The following BLTP1 variants were observed in gnomAD, a reference collection of about 807,000 sequenced individuals.
The protein encoded by BLTP1 is fragile site-associated protein.
At chr4:122,350,105 CT>C in the BLTP1 span, 1 of 1,590,064 alleles carries the variant, frequency 6.3e-7, no homozygotes, top group African/African-American at 1.4e-5. Context: ...TTTATATATG[CT>C]TTATCTTTCA....
chr4:122,215,841 C>T, the BLTP1 span, among the ~76,000 whole-genome samples: 3 of 151,760 alleles, frequency 2.0e-5, no homozygotes, highest in South Asian at 2.1e-4. Context: ...CTCACCCCCC[C>T]CATCCTTCCT....
chr4:122,352,892 G>T, the BLTP1 span: 6 of 1,610,570 alleles, frequency 3.7e-6, no homozygotes, highest in African/African-American at 2.7e-5. Context: ...GTGTTTTTTG[G>T]TTTTCTTGCA....
the BLTP1 span, chr4:122,246,527 T>C: frequency 4.6e-6 from 3 of 650,696 alleles, no homozygotes; most frequent in East Asian, 2.8e-4. Flanking sequence ...AATTTAATTA[T>C]GATTATTTTA....
the BLTP1 span, among the ~76,000 whole-genome samples, chr4:122,164,956 T>C: frequency 2.0e-5 from 3 of 152,170 alleles, no homozygotes; most frequent in Non-Finnish European, 4.4e-5. Context: ...TAGAAGAAGG[T>C]ATTTATAGCA....
At chr4:122,325,538 C>T in the BLTP1 span, 124 of 1,225,754 alleles carry the variant, frequency 1.0e-4, no homozygotes, top group Admixed American at 3.0e-3. Flanking sequence ...ATTTTACATG[C>T]ACAATAAAGG....
the BLTP1 span, chr4:122,325,973 A>C: frequency 2.2e-6 from 1 of 461,394 alleles, no homozygotes; most frequent in African/African-American, 2.1e-5. Flanking sequence ...CACACTGAAA[A>C]TCTACTTTCA....
At chr4:122,307,792 A>T in the BLTP1 span, 1 of 985,078 alleles carries the variant, frequency 1.0e-6, no homozygotes, top group African/African-American at 1.7e-5. Context: ...AATGGTGACT[A>T]TATGTCCTCT....
chr4:122,221,054 CT>C, the BLTP1 span: 2 of 978,790 alleles, frequency 2.0e-6, no homozygotes, highest in Non-Finnish European at 2.4e-6. Context: ...ACTACCACCA[CT>C]TTATATGCCC....
At chr4:122,260,388 C>T in the BLTP1 span, among the ~76,000 whole-genome samples, 1 of 152,042 alleles carries the variant, frequency 6.6e-6, no homozygotes, top group African/African-American at 2.4e-5. Flanking sequence ...ATAAAGATCT[C>T]ATCCTTATCA....
chr4:122,347,678 T>C, the BLTP1 span: 1 of 1,613,870 alleles, frequency 6.2e-7, no homozygotes, highest in Non-Finnish European at 8.5e-7. Context: ...AATGAGCATA[T>C]GACAAACAGC....
the BLTP1 span, among the ~76,000 whole-genome samples, chr4:122,267,917 T>C: frequency 1.3e-5 from 2 of 152,156 alleles, no homozygotes; most frequent in Admixed American, 6.5e-5. Context: ...ATCCTTTTTG[T>C]GTTTTTGCAA....
At chr4:122,286,072 T>A in the BLTP1 span, among the ~76,000 whole-genome samples, 1 of 152,188 alleles carries the variant, frequency 6.6e-6, no homozygotes, top group East Asian at 1.9e-4. Flanking sequence ...AATGTTTCAG[T>A]GAGTACAATT....
the BLTP1 span, among the ~76,000 whole-genome samples, chr4:122,329,229 A>T: frequency 1.3e-5 from 2 of 151,526 alleles, no homozygotes; most frequent in African/African-American, 4.8e-5. Flanking sequence ...TTTATTATTG[A>T]GTTGGGAACA....
chr4:122,220,831 A>G, the BLTP1 span, among the ~76,000 whole-genome samples: 2 of 152,190 alleles, frequency 1.3e-5, no homozygotes, highest in Non-Finnish European at 2.9e-5. Flanking sequence ...ATTAACCAGT[A>G]CCATAATATT....
chr4:122,213,878 T>C, the BLTP1 span, among the ~76,000 whole-genome samples: 1 of 152,180 alleles, frequency 6.6e-6, no homozygotes, highest in Non-Finnish European at 1.5e-5. Flanking sequence ...GCTACTTATA[T>C]TACTTTTCTG....
the BLTP1 span, chr4:122,318,216 T>C: frequency 1.2e-6 from 2 of 1,612,052 alleles, no homozygotes; most frequent in Non-Finnish European, 1.7e-6. Flanking sequence ...AATCTGTGGC[T>C]GTGAATGACA....
the BLTP1 span, chr4:122,229,136 G>T: frequency 6.2e-7 from 1 of 1,601,294 alleles, no homozygotes; most frequent in Non-Finnish European, 8.5e-7. Flanking sequence ...TTGTATTCCT[G>T]GGCCTTGTCC....
At chr4:122,319,929 G>T in the BLTP1 span, among the ~76,000 whole-genome samples, 3 of 152,094 alleles carry the variant, frequency 2.0e-5, no homozygotes, top group Non-Finnish European at 4.4e-5. Flanking sequence ...AGCTTGAGAA[G>T]AATGTGTTAT....
the BLTP1 span, chr4:122,238,440 T>G: frequency 3.1e-6 from 3 of 979,250 alleles, no homozygotes; most frequent in South Asian, 1.6e-5. Flanking sequence ...CCCTCTCCAC[T>G]CCCCCACTTT....
Sources: allele counts gnomAD v4.1 joint callset (sites outside exome capture counted in the v4.1 genomes callset), GRCh38; gene constraint gnomAD v4.1.1; transcripts MANE v1.5; gene names NCBI Gene and HGNC (gene_info 2026-07-23, HGNC 2026-07-21).